TRAPPC12: variants seen among roughly 807,000 people sequenced by gnomAD.
TRAPPC12 encodes TPR repeat protein 15.
A neutral mutation model predicts 69.2 loss-of-function variants in TRAPPC12; 61 were observed. That is an observed-to-expected ratio of 0.88 (90% CI 0.72 to 1.09). The LOEUF is 1.09. Ranked by LOEUF, TRAPPC12 falls within the 50% of genes least tolerant of loss-of-function variation. The pLI is 0.00. For synonymous variants in TRAPPC12, 469 were observed against 438.9 expected, an observed-to-expected ratio of 1.07 and a Z score of -0.86; for missense variants, 1,101 against 1,016.4, an observed-to-expected ratio of 1.08 and a Z score of -1.13.
At chr2:3,401,712 T>G in intron 2 of TRAPPC12, 65 bp from the exon 3 acceptor site, 3 of 1,113,506 alleles carry the variant, frequency 2.7e-6, no homozygotes, top group Non-Finnish European at 3.8e-6. Context: ...TAGTTATGGG[T>G]TCTGGTTAGC....
intron 9 of TRAPPC12, among the ~76,000 whole-genome samples, chr2:3,470,249 T>C (rs1195916990): frequency 6.6e-6 from 1 of 152,234 alleles, no homozygotes; most frequent in Non-Finnish European, 1.5e-5. Context: ...GCAGAGCTTC[T>C]CTGCGGAGAA....
In TRAPPC12 at chr2:3,471,432, G is replaced by C. The variant is rs560875207; in HGVS notation, c.1776+5737G>C. ...CAACTGTCAGCGCACCCGCCAGACA[G>C]GTGACAGCCGTGTTTCAAAACTCAC... On this transcript the variant is annotated intron_variant, in intron 9 of 11. Transcript: ENST00000324266. Among the ~76,000 whole-genome samples, 265 of 152,330 alleles carry C rather than the reference G, an allele frequency of 1.7e-3. 1 individual carries two copies. Among genetic ancestry groups the C allele is most frequent in the African/African-American group, 5.5e-3 (229 of 41,570 alleles).
chr2:3,426,025 T>G (rs1246963472), intron 5 of TRAPPC12, among the ~76,000 whole-genome samples: 1 of 152,188 alleles, frequency 6.6e-6, no homozygotes, highest in Non-Finnish European at 1.5e-5. Flanking sequence ...TGCTCTCTCC[T>G]TTATCATCTT....
intron 5 of TRAPPC12, among the ~76,000 whole-genome samples, chr2:3,438,196 C>T (rs1286406240): frequency 2.1e-5 from 2 of 94,312 alleles, no homozygotes; most frequent in African/African-American, 4.3e-5. Flanking sequence ...TTAATCCCCA[C>T]CACCCCTGGA....
chr2:3,403,081 T>A (rs1661539091), intron 3 of TRAPPC12, among the ~76,000 whole-genome samples: 1 of 152,204 alleles, frequency 6.6e-6, no homozygotes, highest in South Asian at 2.1e-4. Flanking sequence ...ACTCTCCATT[T>A]GGGTGAACAA....
chr2:3,383,629 A>T (rs1572071390), intron 1 of TRAPPC12, among the ~76,000 whole-genome samples: 1 of 148,022 alleles, frequency 6.8e-6, no homozygotes, highest in Non-Finnish European at 1.5e-5. Context: ...CTCATCTTGA[A>T]CTCCTGACCT....
chr2:3,391,516 G>A (rs11684337), intron 2 of TRAPPC12, among the ~76,000 whole-genome samples: 95,891 of 152,068 alleles, frequency 0.63, 30,636 homozygotes, highest in African/African-American at 0.74. Flanking sequence ...GGTGTTTTAC[G>A]GGCAGTCTTT....
Position 3,443,896 on chromosome 2 carries a change from G to T in TRAPPC12, c.1530+5G>T. ...GTGAAGACTGTCTGCAGCAAGGTAG[G>T]TGGCGCTGTCATTCTTCCCTGCCAC... On this transcript the variant is annotated splice_donor_5th_base_variant and intron_variant, in intron 6 of 11. Coordinates refer to ENST00000324266, the MANE Select transcript of TRAPPC12 (RefSeq NM_016030.6). 1.2e-6 allele frequency: 2 copies of T among 1,609,954 alleles called. No individual in the cohort carries two copies. The highest frequency in any genetic ancestry group is 1.7e-6 in the Non-Finnish European group (2 of 1,176,680).
chr2:3,424,790 C>T (rs1179950443), intron 5 of TRAPPC12, 127 bp downstream of exon 5: 3 of 1,046,088 alleles, frequency 2.9e-6, no homozygotes, highest in Non-Finnish European at 4.0e-6. Flanking sequence ...GATAAGTACC[C>T]AGCAACAAGC....
chr2:3,467,771 A>C (rs34613002), intron 9 of TRAPPC12: 18,335 of 151,882 alleles, frequency 0.12, 1,270 homozygotes, highest in South Asian at 0.2. Context: ...GTTCTGAAAC[A>C]CTCCTGGGTG....
intron 2 of TRAPPC12, among the ~76,000 whole-genome samples, chr2:3,399,464 C>G (rs1661301081): frequency 6.6e-6 from 1 of 152,188 alleles, no homozygotes; most frequent in South Asian, 2.1e-4. Flanking sequence ...AGTACTTCAC[C>G]TTATGCTCTG....
chr2:3,402,400 G>A (rs985317121), intron 3 of TRAPPC12, among the ~76,000 whole-genome samples: 5 of 152,142 alleles, frequency 3.3e-5, no homozygotes, highest in East Asian at 1.9e-4. Context: ...GACCAGCCTG[G>A]CCAACATGGT....
intron 2 of TRAPPC12, among the ~76,000 whole-genome samples, chr2:3,394,271 G>A (rs1383528489): frequency 6.6e-6 from 1 of 152,184 alleles, no homozygotes; most frequent in Non-Finnish European, 1.5e-5. Flanking sequence ...AAGGAAGGCT[G>A]AAAATAGTCT....
intron 9 of TRAPPC12, among the ~76,000 whole-genome samples, chr2:3,476,888 G>A (rs189127293): frequency 4.3e-4 from 65 of 152,338 alleles, no homozygotes; most frequent in African/African-American, 1.4e-3. Flanking sequence ...TCTGGCTCCC[G>A]CAGGCTGTGC....
At position 3,388,049 on chromosome 2, in the gene TRAPPC12, C is replaced by T. The variant is rs762689919; in HGVS notation, c.426C>T (p.Ser142=). 107 of 1,500,976 alleles carry T rather than the reference C, an allele frequency of 7.1e-5. No individual in the cohort carries two copies. Among genetic ancestry groups the T allele is most frequent in the Non-Finnish European group, 8.9e-5 (101 of 1,130,490 alleles). The allele number at this position is 1,500,976 out of a possible 1,614,324, so 93.0% of individuals were successfully genotyped here. The change falls in exon 2 of 12, where the codon AGC becomes AGT. Residue 142 remains serine (S), a synonymous_variant. Coordinates refer to ENST00000324266, the MANE Select transcript of TRAPPC12 (RefSeq NM_016030.6). ...RQDAAREVPG[S]EAARPEQEPP... is the part of the protein sequence containing the mutation. ...ACGCGGCCCGCGAGGTCCCAGGCAGCGAAGCCGCGCGCCCGGAGCAGGAGC... is the reference window on the plus strand; with the variant it reads ...ACGCGGCCCGCGAGGTCCCAGGCAGTGAAGCCGCGCGCCCGGAGCAGGAGC...
At chr2:3,397,341 C>G (rs1216676071) in intron 2 of TRAPPC12, among the ~76,000 whole-genome samples, 12 of 152,212 alleles carry the variant, frequency 7.9e-5, no homozygotes, top group Admixed American at 7.9e-4. Flanking sequence ...AGTGAGAGCA[C>G]TAAACATGGC....
intron 2 of TRAPPC12, among the ~76,000 whole-genome samples, chr2:3,397,745 T>G (rs1326677515): frequency 6.6e-6 from 1 of 152,226 alleles, no homozygotes; most frequent in Non-Finnish European, 1.5e-5. Context: ...TGTATATTCT[T>G]TCTGACACAT....
At chr2:3,438,876 T>C (rs1425045578) in intron 5 of TRAPPC12, among the ~76,000 whole-genome samples, 1 of 152,184 alleles carries the variant, frequency 6.6e-6, no homozygotes, top group Non-Finnish European at 1.5e-5. Flanking sequence ...CAATTATGAA[T>C]AAAGCTACTA....
At chr2:3,450,494 C>CT (rs992727047) in intron 6 of TRAPPC12, among the ~76,000 whole-genome samples, 1 of 152,214 alleles carries the variant, frequency 6.6e-6, no homozygotes, top group African/African-American at 2.4e-5. Context: ...GCCCTCCAGC[C>CT]TGTGTCCGCT....
Sources: allele counts gnomAD v4.1 joint callset (sites outside exome capture counted in the v4.1 genomes callset), GRCh38; gene constraint gnomAD v4.1.1; transcripts MANE v1.5; gene names NCBI Gene and HGNC (gene_info 2026-07-23, HGNC 2026-07-21).